AOX1: variants seen among roughly 807,000 people sequenced by gnomAD.
AOX1 encodes aldehyde oxidase.
Under a neutral mutation model 169.5 loss-of-function variants are expected in AOX1, and 153 were observed. That is an observed-to-expected ratio of 0.90 (90% CI 0.79 to 1.03). The LOEUF (loss-of-function observed/expected upper bound fraction) is 1.03, where lower values mean the gene tolerates loss of function less well. Ranked by LOEUF, AOX1 falls within the 50% of genes least tolerant of loss-of-function variation. The pLI, the probability that AOX1 is intolerant of heterozygous loss-of-function variation, is 0.00. For synonymous variants in AOX1, 562 were observed against 581.9 expected, an observed-to-expected ratio of 0.97 and a Z score of 0.49; for missense variants, 1,656 against 1,663.9, an observed-to-expected ratio of 1.00 and a Z score of 0.08.
At chr2:200,610,046 C>T (rs1030842531) in intron 12 of AOX1, among the ~76,000 whole-genome samples, 2 of 150,714 alleles carry the variant, frequency 1.3e-5, no homozygotes, top group Non-Finnish European at 2.9e-5. Context: ...TAAATACTTA[C>T]TCTTCATACC....
intron 1 of AOX1, among the ~76,000 whole-genome samples, chr2:200,589,416 A>G (rs1411520068): frequency 3.3e-5 from 5 of 152,208 alleles, no homozygotes; most frequent in African/African-American, 1.2e-4. Flanking sequence ...AGGTGTGGAA[A>G]TCAAAGGTAT....
rs773323708 is a variant in AOX1, at chr2:200,662,931, TC to T, written c.3507del (p.Glu1170ArgfsTer4). ...ATACTTTGTTTATGGAGCTGCCTGTTCCGAGGTTGAAATAGACTGCCTGACG... is the reference window on the plus strand; with the variant it reads ...ATACTTTGTTTATGGAGCTGCCTGTTCGAGGTTGAAATAGACTGCCTGACG... ...FEYFVYGAAC[S>X]EVEIDCLTGD... On this transcript the variant is annotated frameshift_variant, in exon 31 of 35. Transcript: ENST00000374700. LOFTEE classifies it high-confidence loss of function. The T allele has an allele frequency of 6.2e-7, 1 of 1,614,118 alleles. No homozygotes were observed. Among genetic ancestry groups the T allele is most frequent in the Non-Finnish European group, 8.5e-7 (1 of 1,179,968 alleles).
At chr2:200,677,747 G>A (rs1267619009), downstream of AOX1, among the ~76,000 whole-genome samples, 1 of 152,202 alleles carries the variant, frequency 6.6e-6, no homozygotes, top group African/African-American at 2.4e-5. Context: ...TCTATGACTA[G>A]AATTGGTGCT....
At chr2:200,680,003 C>G (rs1237832616), downstream of AOX1, among the ~76,000 whole-genome samples, 8 of 152,114 alleles carry the variant, frequency 5.3e-5, no homozygotes, top group African/African-American at 1.9e-4. Flanking sequence ...ATCACAAGCC[C>G]AAGAGTTTGA....
At chr2:200,626,338 G>T (rs2035003972) in intron 19 of AOX1, among the ~76,000 whole-genome samples, 1 of 152,188 alleles carries the variant, frequency 6.6e-6, no homozygotes, top group Non-Finnish European at 1.5e-5. Flanking sequence ...CCTCTAAGGG[G>T]TGTTGTCTAG....
At chr2:200,591,126 T>A (rs2034163256) in intron 1 of AOX1, among the ~76,000 whole-genome samples, 1 of 152,216 alleles carries the variant, frequency 6.6e-6, no homozygotes. Flanking sequence ...CATGTTCCAG[T>A]CATTCATTTC....
chr2:200,657,187 TA>T lies in AOX1; in HGVS notation c.3171+251del, dbSNP rs1433518267. 8.2e-3 allele frequency among the ~76,000 whole-genome samples: 576 copies of T among 70,402 alleles called. 4 individuals carry two copies. Among genetic ancestry groups the T allele is most frequent in the East Asian group, 0.019 (29 of 1,500 alleles). The allele number at this position is 70,402 out of a possible 152,430, so 46.2% of individuals were successfully genotyped here. ...AAAAATATATATATATATATATATA[TA>T]TATTTTTTTTTTTTTTTAATTAGCA... On this transcript the variant is annotated intron_variant, in intron 27 of 34. Coordinates refer to ENST00000374700, the MANE Select transcript of AOX1 (RefSeq NM_001159.4).
intron 1 of AOX1, among the ~76,000 whole-genome samples, chr2:200,591,948 G>T (rs1033675733): frequency 5.9e-5 from 9 of 152,000 alleles, no homozygotes; most frequent in African/African-American, 2.2e-4. Context: ...GGAAGAACTT[G>T]GTGACACTGA....
rs141842645 is a variant in AOX1 at position 200,613,804 on chromosome 2, G to A, written c.1449G>A (p.Arg483=). 440 of 1,610,874 alleles carry A rather than the reference G, an allele frequency of 2.7e-4. No homozygotes were observed. The African/African-American group carries it at 4.8e-3, about 18-fold the overall frequency. The change falls in exon 15 of 35, where the codon AGG becomes AGA. Residue 483 remains arginine (R), a splice_region_variant and synonymous_variant. Coordinates refer to ENST00000374700, the MANE Select transcript of AOX1 (RefSeq NM_001159.4). The stretch of plus-strand genomic sequence containing the variant: ...GGAGTCTTCTCTTTGGACTTTCCAG[G>A]CACTGGAACGAACAGATGCTGGATA... ...AKNSCQKLIG[R]HWNEQMLDIA...
At chr2:200,615,317 T>G (rs1195753232) in intron 15 of AOX1, among the ~76,000 whole-genome samples, 5 of 152,226 alleles carry the variant, frequency 3.3e-5, no homozygotes, top group Non-Finnish European at 7.3e-5. Context: ...GGTTTTATTT[T>G]CTATTAAAAT....
intron 19 of AOX1, among the ~76,000 whole-genome samples, chr2:200,624,368 G>A (rs938645000): frequency 2.6e-5 from 4 of 152,208 alleles, no homozygotes; most frequent in African/African-American, 7.2e-5. Context: ...GCAGAGGAAT[G>A]GAGGAGCTGT....
chr2:200,628,903 G>C (rs1018677668), intron 20 of AOX1, among the ~76,000 whole-genome samples: 2 of 152,000 alleles, frequency 1.3e-5, no homozygotes, highest in African/African-American at 4.8e-5. Flanking sequence ...CTCCAGCCTG[G>C]GTGACAGAAG....
At chr2:200,657,332 G>A (rs985001987) in intron 27 of AOX1, among the ~76,000 whole-genome samples, 3 of 150,872 alleles carry the variant, frequency 2.0e-5, no homozygotes, top group African/African-American at 7.3e-5. Flanking sequence ...TCCAGCCTCG[G>A]TGGCAGAGCA....
chr2:200,645,683 G>A (rs2035440093), intron 25 of AOX1, among the ~76,000 whole-genome samples: 1 of 152,126 alleles, frequency 6.6e-6, no homozygotes, highest in Non-Finnish European at 1.5e-5. Flanking sequence ...GAATTCTGCT[G>A]TGAATCCTTC....
intron 32 of AOX1, among the ~76,000 whole-genome samples, chr2:200,667,589 G>A (rs902816327): frequency 6.6e-6 from 1 of 152,072 alleles, no homozygotes; most frequent in Non-Finnish European, 1.5e-5. Flanking sequence ...GACATTAGGG[G>A]TGAAAGAAGA....
chr2:200,586,215 C>A (rs2034027561), intron 1 of AOX1, 62 bp downstream of exon 1: 1 of 1,471,044 alleles, frequency 6.8e-7, no homozygotes, highest in Non-Finnish European at 9.1e-7. Context: ...CAGAGAGGAG[C>A]CCCTGCCGTT....
intron 33 of AOX1, 45 bp downstream of exon 33, chr2:200,668,848 T>C: frequency 6.5e-7 from 1 of 1,542,940 alleles, no homozygotes; most frequent in Non-Finnish European, 8.9e-7. Context: ...ATATGATACC[T>C]GTTGGGTGAC....
chr2:200,666,730 A>C lies in AOX1; in HGVS notation c.3587A>C (p.Asn1196Thr). The C allele has an allele frequency of 6.2e-7, 1 of 1,611,202 alleles. No individual in the cohort carries two copies. The highest frequency in any genetic ancestry group is 8.5e-7 in the Non-Finnish European group (1 of 1,179,274). The change falls in exon 32 of 35, where the codon AAT becomes ACT. Residue 1196 changes from asparagine (N) to threonine (T), a missense_variant. Physicochemically the swap from Asn to Thr is moderately conservative, Grantham distance 65 (BLOSUM62 0). Coordinates refer to ENST00000374700, the MANE Select transcript of AOX1 (RefSeq NM_001159.4). Reference sequence around the variant, plus strand: ...GTCATGGATGTTGGCTGCAGTATAAATCCAGCCATTGACATAGGCCAGGTA... The same window carrying C: ...GTCATGGATGTTGGCTGCAGTATAACTCCAGCCATTGACATAGGCCAGGTA... ...DIVMDVGCSI[N>T]PAIDIGQIEG...
At chr2:200,650,161 C>T (rs1455330239) in intron 25 of AOX1, among the ~76,000 whole-genome samples, 1 of 152,196 alleles carries the variant, frequency 6.6e-6, no homozygotes, top group African/African-American at 2.4e-5. Context: ...GATGTCCTGC[C>T]ACATTTGGTA....
Sources: gnomAD v4.1 joint callset for allele counts (sites outside exome capture counted in the v4.1 genomes callset) on GRCh38, gnomAD v4.1.1 for gene constraint, MANE v1.5 for transcripts, NCBI Gene and HGNC (gene_info 2026-07-23, HGNC 2026-07-21) for gene names.